ADAMTSL1: variants seen among roughly 807,000 people sequenced by gnomAD.
ADAMTSL1 encodes the protein ADAMTS like 1.
A neutral mutation model predicts 201.8 loss-of-function variants in ADAMTSL1; 126 were observed. The ratio of observed to expected loss-of-function variants is 0.62; its 90% CI spans 0.54 to 0.72. The LOEUF is 0.72. Among genes scored for constraint, ADAMTSL1 ranks in the 30% least tolerant of loss-of-function variants. ADAMTSL1 has a pLI of 0.00. For synonymous variants in ADAMTSL1, 1,121 were observed against 903.4 expected (o/e 1.24, Z -4.32); for missense variants, 2,679 against 2,277.8 (o/e 1.18, Z -3.59).
intron 2 of ADAMTSL1, among the ~76,000 whole-genome samples, chr9:18,208,588 C>G (rs541260152): frequency 7.7e-4 from 117 of 152,174 alleles, no homozygotes; most frequent in African/African-American, 2.6e-3. Flanking sequence ...TATTTTAGTC[C>G]TTATGACAAT....
intron 2 of ADAMTSL1, among the ~76,000 whole-genome samples, chr9:18,287,454 T>C (rs185463773): frequency 3.3e-5 from 5 of 151,896 alleles, no homozygotes; most frequent in Admixed American, 6.6e-5. Flanking sequence ...ATGTGTATTT[T>C]ACACATATAT....
chr9:18,277,919 G>A (rs1218273598), intron 2 of ADAMTSL1, among the ~76,000 whole-genome samples: 1 of 151,880 alleles, frequency 6.6e-6, no homozygotes, highest in African/African-American at 2.4e-5. Flanking sequence ...TTTTGTAGTG[G>A]AATGGTTTAA....
intron 1 of ADAMTSL1, among the ~76,000 whole-genome samples, chr9:18,083,093 C>T (rs928715915): frequency 5.9e-5 from 9 of 152,046 alleles, no homozygotes; most frequent in Non-Finnish European, 8.8e-5. Flanking sequence ...ACATGTGGAA[C>T]GTAAGACTTG....
At chr9:18,170,042 GA>G in intron 2 of ADAMTSL1, among the ~76,000 whole-genome samples, 1 of 152,006 alleles carries the variant, frequency 6.6e-6, no homozygotes, top group African/African-American at 2.4e-5. Flanking sequence ...ATATTACAAA[GA>G]AAAAATCAGA....
chr9:18,666,587 T>C (rs1388784962), intron 9 of ADAMTSL1, among the ~76,000 whole-genome samples: 1 of 152,182 alleles, frequency 6.6e-6, no homozygotes, highest in South Asian at 2.1e-4. Context: ...TCTAGTAAAA[T>C]GTAAAATCCT....
chr9:18,774,746 A>G (rs1182570758), intron 17 of ADAMTSL1, among the ~76,000 whole-genome samples: 1 of 152,256 alleles, frequency 6.6e-6, no homozygotes, highest in East Asian at 1.9e-4. Context: ...ATAATATTCC[A>G]CTGTATAGAT....
chr9:18,529,978 G>A (rs1171141185), intron 2 of ADAMTSL1, among the ~76,000 whole-genome samples: 2 of 152,056 alleles, frequency 1.3e-5, no homozygotes, highest in African/African-American at 4.8e-5. Flanking sequence ...TACATTCTGT[G>A]CAGATATCTC....
chr9:18,491,294 A>T (rs960077606), intron 1 of ADAMTSL1, among the ~76,000 whole-genome samples: 1 of 152,196 alleles, frequency 6.6e-6, no homozygotes, highest in African/African-American at 2.4e-5. Flanking sequence ...TTCCTGAGGC[A>T]TTTTGGTAAT....
intron 4 of ADAMTSL1, among the ~76,000 whole-genome samples, chr9:18,595,020 T>C (rs539211925): frequency 6.6e-6 from 1 of 152,170 alleles, no homozygotes; most frequent in Admixed American, 6.5e-5. Flanking sequence ...GGTGAAGATG[T>C]CTCAGCACTA....
chr9:18,278,631 G>A (rs147749007), intron 2 of ADAMTSL1, among the ~76,000 whole-genome samples: 72 of 152,204 alleles, frequency 4.7e-4, no homozygotes, highest in African/African-American at 1.7e-3. Context: ...CTGTTTCAGG[G>A]AAGATCTTTT....
chr9:18,696,051 G>A (rs1831526758), intron 13 of ADAMTSL1, among the ~76,000 whole-genome samples: 1 of 152,118 alleles, frequency 6.6e-6, no homozygotes, highest in Non-Finnish European at 1.5e-5. Context: ...TAAGCAACCA[G>A]ATCTCTTGAG....
chr9:18,237,216 G>A (rs72684945), intron 2 of ADAMTSL1, among the ~76,000 whole-genome samples: 5,094 of 152,260 alleles, frequency 0.033, 130 homozygotes, highest in Non-Finnish European at 0.054. Context: ...CTCCAATGTG[G>A]GAGATGGGCC....
At chr9:18,358,201 C>T (rs1330151668) in intron 2 of ADAMTSL1, among the ~76,000 whole-genome samples, 2 of 152,060 alleles carry the variant, frequency 1.3e-5, no homozygotes, top group African/African-American at 4.8e-5. Flanking sequence ...CATAACAGTG[C>T]CTGGAATAAG....
At chr9:18,128,020 C>G (rs1409413050) in intron 1 of ADAMTSL1, among the ~76,000 whole-genome samples, 1 of 152,132 alleles carries the variant, frequency 6.6e-6, no homozygotes, top group Non-Finnish European at 1.5e-5. Flanking sequence ...TAAGAGATAA[C>G]AGATTGCCTG....
intron 2 of ADAMTSL1, among the ~76,000 whole-genome samples, chr9:18,337,616 G>C (rs1835298254): frequency 6.6e-6 from 1 of 152,172 alleles, no homozygotes; most frequent in African/African-American, 2.4e-5. Context: ...AAAATCGGGA[G>C]TTAGACCAAG....
chr9:18,099,351 A>AT (rs1413522359), intron 1 of ADAMTSL1, among the ~76,000 whole-genome samples: 5 of 52,624 alleles, frequency 9.5e-5, no homozygotes, highest in African/African-American at 2.4e-4. Context: ...ATATATATAT[A>AT]TATATTTTTT....
At chr9:18,884,785 T>C (rs1420304754) in intron 23 of ADAMTSL1, among the ~76,000 whole-genome samples, 1 of 152,226 alleles carries the variant, frequency 6.6e-6, no homozygotes, top group Non-Finnish European at 1.5e-5. Context: ...CAGTACTGTT[T>C]TGATTACTAT....
At chr9:18,808,026 A>G (rs957800682) in intron 20 of ADAMTSL1, among the ~76,000 whole-genome samples, 4 of 152,010 alleles carry the variant, frequency 2.6e-5, no homozygotes, top group African/African-American at 9.7e-5. Context: ...GCTTATGTTG[A>G]TTTTTTTTAA....
intron 23 of ADAMTSL1, among the ~76,000 whole-genome samples, chr9:18,858,922 G>C (rs563904489): frequency 6.6e-6 from 1 of 152,294 alleles, no homozygotes; most frequent in African/African-American, 2.4e-5. Context: ...ACTTTATTCA[G>C]TTTCTTAATA....
Sources: gnomAD v4.1 joint callset for allele counts (sites outside exome capture counted in the v4.1 genomes callset) on GRCh38, gnomAD v4.1.1 for gene constraint, MANE v1.5 for transcripts, NCBI Gene and HGNC (gene_info 2026-07-23, HGNC 2026-07-21) for gene names.